The following UNC5D variants were observed in gnomAD, a reference collection of about 807,000 sequenced individuals.
UNC5D encodes the protein netrin receptor UNC5D.
Under a neutral mutation model 105.4 loss-of-function variants are expected in UNC5D, and 39 were observed. That is an observed-to-expected ratio of 0.37 (90% CI 0.29 to 0.48). The LOEUF is 0.48. Among genes scored for constraint, UNC5D ranks in the 20% least tolerant of loss-of-function variants. UNC5D has a pLI of 0.98. For missense variants in UNC5D, 991 were observed against 1,202.4 expected, an observed-to-expected ratio of 0.82 and a Z score of 2.60; for synonymous variants, 452 against 450.4, an observed-to-expected ratio of 1.00 and a Z score of -0.04.
intron 1 of UNC5D, among the ~76,000 whole-genome samples, chr8:35,246,513 C>G (rs1803110210): frequency 6.6e-6 from 1 of 152,104 alleles, no homozygotes. Flanking sequence ...AGGAGTTAGG[C>G]ACCCTCTGCC....
intron 2 of UNC5D, among the ~76,000 whole-genome samples, chr8:35,558,852 G>A (rs756781525): frequency 7.2e-5 from 11 of 152,112 alleles, no homozygotes; most frequent in African/African-American, 1.2e-4. Flanking sequence ...TCGTGATGGC[G>A]CATTCCTGTA....
chr8:35,400,542 AT>A (rs980633819), intron 1 of UNC5D, among the ~76,000 whole-genome samples: 149 of 152,122 alleles, frequency 9.8e-4, no homozygotes, highest in African/African-American at 3.5e-3. Flanking sequence ...TGTAAACTTC[AT>A]TTTTTTGGTT....
chr8:35,604,476 AT>A (rs1050630307), intron 4 of UNC5D, among the ~76,000 whole-genome samples: 107 of 151,898 alleles, frequency 7.0e-4, no homozygotes, highest in South Asian at 2.1e-3. Flanking sequence ...TGCCCTTAAC[AT>A]TTTTTCCTTC....
chr8:35,399,157 A>T (rs1804292393), intron 1 of UNC5D, among the ~76,000 whole-genome samples: 1 of 151,284 alleles, frequency 6.6e-6, no homozygotes, highest in African/African-American at 2.4e-5. Context: ...AAAAAAAAAA[A>T]AAAAAAAAAA....
chr8:35,482,793 CTT>C (rs5890816), intron 1 of UNC5D, among the ~76,000 whole-genome samples: 29 of 78,138 alleles, frequency 3.7e-4, no homozygotes, highest in African/African-American at 1.4e-3. Flanking sequence ...TTAAAGAGAT[CTT>C]TTTTTTTTTT....
chr8:35,445,044 T>C (rs925982381), intron 1 of UNC5D, among the ~76,000 whole-genome samples: 1 of 151,958 alleles, frequency 6.6e-6, no homozygotes, highest in South Asian at 2.1e-4. Context: ...ATTTTTATTA[T>C]TTAAATGTAG....
chr8:35,476,344 C>T (rs375347984), intron 1 of UNC5D, among the ~76,000 whole-genome samples: 1 of 152,192 alleles, frequency 6.6e-6, no homozygotes, highest in African/African-American at 2.4e-5. Context: ...TAGACACTTC[C>T]CCTCTTTGAG....
chr8:35,326,980 G>T (rs545010605), intron 1 of UNC5D, among the ~76,000 whole-genome samples: 3 of 152,134 alleles, frequency 2.0e-5, no homozygotes, highest in Admixed American at 2.0e-4. Context: ...AAGGTTTAGC[G>T]GTGGGGAGTT....
intron 1 of UNC5D, among the ~76,000 whole-genome samples, chr8:35,359,955 G>A (rs1220909007): frequency 6.6e-6 from 1 of 152,136 alleles, no homozygotes; most frequent in Non-Finnish European, 1.5e-5. Context: ...AGGCTCTCAG[G>A]TATAGATGCT....
intron 1 of UNC5D, among the ~76,000 whole-genome samples, chr8:35,412,002 A>T (rs1008094179): frequency 3.3e-5 from 5 of 152,060 alleles, no homozygotes; most frequent in African/African-American, 1.2e-4. Flanking sequence ...AGGAGTAGGT[A>T]TTTCAAAATG....
chr8:35,271,736 TATA>T (rs1412166833), intron 1 of UNC5D, among the ~76,000 whole-genome samples: 1 of 125,642 alleles, frequency 8.0e-6, no homozygotes, highest in South Asian at 2.3e-4. Context: ...CATGTATACA[TATA>T]TATTTATACA....
intron 1 of UNC5D, among the ~76,000 whole-genome samples, chr8:35,315,050 C>T (rs1242133079): frequency 6.6e-6 from 1 of 152,152 alleles, no homozygotes; most frequent in Non-Finnish European, 1.5e-5. Context: ...TCAGCACATA[C>T]TAGGTTCTAG....
chr8:35,554,250 G>A (rs560075757), intron 2 of UNC5D, among the ~76,000 whole-genome samples: 1 of 152,282 alleles, frequency 6.6e-6, no homozygotes, highest in East Asian at 1.9e-4. Context: ...GAGATTGTGT[G>A]TTTTCATGCA....
chr8:35,706,419 T>C (rs1377600617), intron 8 of UNC5D, among the ~76,000 whole-genome samples: 2 of 151,960 alleles, frequency 1.3e-5, no homozygotes, highest in Non-Finnish European at 2.9e-5. Context: ...GAGCTGAGGA[T>C]TGGGGTGTTG....
chr8:35,640,218 AC>A (rs972001551), intron 4 of UNC5D, among the ~76,000 whole-genome samples: 9 of 152,220 alleles, frequency 5.9e-5, no homozygotes, highest in African/African-American at 2.2e-4. Context: ...ACAACGTTAA[AC>A]CCAAGCTAGG....
At chr8:35,327,636 G>C (rs876114) in intron 1 of UNC5D, among the ~76,000 whole-genome samples, 1 of 151,720 alleles carries the variant, frequency 6.6e-6, no homozygotes, top group Admixed American at 6.6e-5. Context: ...GTTGTGGGGG[G>C]GGGATCTGGA....
At chr8:35,603,516 T>G (rs1820043491) in intron 4 of UNC5D, among the ~76,000 whole-genome samples, 1 of 152,156 alleles carries the variant, frequency 6.6e-6, no homozygotes, top group African/African-American at 2.4e-5. Context: ...GAATGTATAT[T>G]CTGTTGATTT....
At chr8:35,598,430 C>G (rs1819625205) in intron 4 of UNC5D, among the ~76,000 whole-genome samples, 1 of 152,082 alleles carries the variant, frequency 6.6e-6, no homozygotes, top group Admixed American at 6.6e-5. Context: ...GAAAAGGAAA[C>G]CACTGCACAC....
intron 1 of UNC5D, among the ~76,000 whole-genome samples, chr8:35,320,387 A>G (rs530594114): frequency 8.5e-5 from 13 of 152,202 alleles, no homozygotes; most frequent in Non-Finnish European, 1.3e-4. Context: ...AGGTTCTTCC[A>G]AGGAGCCTCC....
Sources: gnomAD v4.1 joint callset for allele counts (sites outside exome capture counted in the v4.1 genomes callset) on GRCh38, gnomAD v4.1.1 for gene constraint, MANE v1.5 for transcripts, NCBI Gene and HGNC (gene_info 2026-07-23, HGNC 2026-07-21) for gene names.